Variants in CSTPP1 observed in about 807,000 individuals in gnomAD.
CSTPP1 encodes UPF0705 protein C11orf49.
chr11:46,999,846 C>A, the CSTPP1 span, among the ~76,000 whole-genome samples: 1 of 152,182 alleles, frequency 6.6e-6, no homozygotes, highest in Non-Finnish European at 1.5e-5. Context: ...ATTTTCTTCT[C>A]TGGGTCTGCT....
chr11:46,999,864 T>G, the CSTPP1 span, among the ~76,000 whole-genome samples: 4 of 152,214 alleles, frequency 2.6e-5, no homozygotes, highest in Non-Finnish European at 5.9e-5. Context: ...GCTTGCCCTC[T>G]CACCTATGCT....
chr11:46,955,383 G>A, the CSTPP1 span, among the ~76,000 whole-genome samples: 4 of 139,968 alleles, frequency 2.9e-5, no homozygotes, highest in Non-Finnish European at 6.1e-5. Context: ...TTTTTTTTTC[G>A]AGACAGGGTC....
chr11:46,966,503 C>G, the CSTPP1 span, among the ~76,000 whole-genome samples: 1 of 151,948 alleles, frequency 6.6e-6, no homozygotes, highest in East Asian at 1.9e-4. Context: ...CACTTGTTTT[C>G]CTTGAAGTAA....
At chr11:47,161,290 C>A in the CSTPP1 span, 2 of 1,602,482 alleles carry the variant, frequency 1.2e-6, no homozygotes, top group African/African-American at 2.7e-5. Flanking sequence ...CTGTAACATC[C>A]CACATCTGCC....
chr11:47,084,963 TC>T, the CSTPP1 span, among the ~76,000 whole-genome samples: 18 of 152,090 alleles, frequency 1.2e-4, no homozygotes, highest in Admixed American at 6.5e-5. Flanking sequence ...GGTGGGCAGA[TC>T]ACCTGAGGTC....
chr11:47,097,170 G>C, the CSTPP1 span, among the ~76,000 whole-genome samples: 1 of 127,444 alleles, frequency 7.8e-6, no homozygotes. Context: ...CCCTCCGCCC[G>C]GCCAGCCGCC....
the CSTPP1 span, among the ~76,000 whole-genome samples, chr11:46,990,828 G>C: frequency 3.3e-5 from 5 of 152,156 alleles, no homozygotes; most frequent in Non-Finnish European, 7.4e-5. Context: ...TAAGGGTCCA[G>C]TTTCATTCTT....
chr11:47,036,042 T>A, the CSTPP1 span, among the ~76,000 whole-genome samples: 2 of 42,176 alleles, frequency 4.7e-5, no homozygotes, highest in Non-Finnish European at 8.9e-5. Context: ...AAGATATATA[T>A]ATATATATAT....
the CSTPP1 span, among the ~76,000 whole-genome samples, chr11:47,105,417 C>T: frequency 3.0e-4 from 45 of 152,190 alleles, no homozygotes; most frequent in Admixed American, 9.8e-4. Context: ...GGGAGGATCA[C>T]GTGAGCCTAG....
the CSTPP1 span, chr11:47,158,121 C>G: frequency 1.7e-6 from 1 of 578,714 alleles, no homozygotes; most frequent in Non-Finnish European, 3.1e-6. Context: ...AGGGGACAGC[C>G]CTCCCTGCCT....
chr11:47,015,501 T>A, the CSTPP1 span, among the ~76,000 whole-genome samples: 14 of 151,384 alleles, frequency 9.2e-5, no homozygotes, highest in East Asian at 9.7e-4. Context: ...AAACAAAAAA[T>A]ATATATATGT....
At chr11:47,076,339 C>A in the CSTPP1 span, among the ~76,000 whole-genome samples, 1 of 152,162 alleles carries the variant, frequency 6.6e-6, no homozygotes, top group Admixed American at 6.5e-5. Flanking sequence ...GAAGTCCCTA[C>A]AAATCTGACA....
the CSTPP1 span, among the ~76,000 whole-genome samples, chr11:47,043,226 T>C: frequency 6.6e-6 from 1 of 152,188 alleles, no homozygotes; most frequent in Non-Finnish European, 1.5e-5. Context: ...TTATGACTGC[T>C]ACCTGAGAAA....
At chr11:47,016,740 G>T in the CSTPP1 span, among the ~76,000 whole-genome samples, 3 of 151,882 alleles carry the variant, frequency 2.0e-5, no homozygotes, top group Non-Finnish European at 4.4e-5. Context: ...ACTTTGGGAG[G>T]TAATGGATAT....
the CSTPP1 span, among the ~76,000 whole-genome samples, chr11:47,140,710 G>A: frequency 7.3e-5 from 11 of 150,368 alleles, no homozygotes; most frequent in African/African-American, 2.2e-4. Flanking sequence ...AAGTGCCTGG[G>A]ATTACAGGCA....
the CSTPP1 span, among the ~76,000 whole-genome samples, chr11:47,086,412 A>T: frequency 1.3e-5 from 2 of 151,738 alleles, no homozygotes; most frequent in Non-Finnish European, 2.9e-5. Flanking sequence ...TGGAAAAAAA[A>T]TTTTTTAAAA....
the CSTPP1 span, among the ~76,000 whole-genome samples, chr11:47,110,565 G>A: frequency 6.6e-6 from 1 of 152,170 alleles, no homozygotes; most frequent in South Asian, 2.1e-4. Context: ...GGGTCATAGA[G>A]ACCAAGTACT....
the CSTPP1 span, among the ~76,000 whole-genome samples, chr11:46,963,857 A>G: frequency 6.6e-6 from 1 of 151,988 alleles, no homozygotes; most frequent in African/African-American, 2.4e-5. Context: ...CCAACTAGCT[A>G]TGACCAATTA....
the CSTPP1 span, among the ~76,000 whole-genome samples, chr11:47,094,757 A>G: frequency 6.6e-6 from 1 of 152,248 alleles, no homozygotes; most frequent in Admixed American, 6.5e-5. Context: ...AGTGCAGAAT[A>G]ACAAACATTG....
Sources: allele counts gnomAD v4.1 joint callset (sites outside exome capture counted in the v4.1 genomes callset), GRCh38; gene constraint gnomAD v4.1.1; transcripts MANE v1.5; gene names NCBI Gene and HGNC (gene_info 2026-07-23, HGNC 2026-07-21).